MAGI2: variants seen among roughly 807,000 people sequenced by gnomAD.
MAGI2 encodes the protein membrane associated guanylate kinase, WW and PDZ domain containing 2.
MAGI2 carries 35 observed loss-of-function variants against 133.3 expected under a neutral mutation model. The observed-to-expected ratio is 0.26, with a 90% CI of 0.20 to 0.35. The LOEUF (loss-of-function observed/expected upper bound fraction) is 0.35. Among genes scored for constraint, MAGI2 ranks in the 10% least tolerant of loss-of-function variants. The pLI, the probability that MAGI2 is intolerant of heterozygous loss-of-function variation, is 1.00. For missense variants in MAGI2, 1,636 were observed against 1,863.4 expected (o/e 0.88, Z 2.25); for synonymous variants, 729 against 710.6 (o/e 1.03, Z -0.41).
intron 19 of MAGI2, among the ~76,000 whole-genome samples, chr7:78,126,795 A>T (rs909650306): frequency 7.2e-5 from 11 of 152,160 alleles, no homozygotes; most frequent in Admixed American, 7.2e-4. Flanking sequence ...CACGTAAAAA[A>T]ATATGGACCT....
intron 1 of MAGI2, among the ~76,000 whole-genome samples, chr7:79,404,674 C>T (rs1845688331): frequency 6.6e-6 from 1 of 152,072 alleles, no homozygotes; most frequent in South Asian, 2.1e-4. Context: ...CTGAGCTAGG[C>T]CCAATGCTGT....
intron 1 of MAGI2, chr7:79,343,423 A>C (rs1192088583): frequency 6.6e-6 from 1 of 152,112 alleles, no homozygotes; most frequent in Non-Finnish European, 1.5e-5. Context: ...GAATAAAGCT[A>C]TCTATGTATT....
At chr7:79,104,690 C>G (rs1251962735) in intron 1 of MAGI2, among the ~76,000 whole-genome samples, 1 of 151,484 alleles carries the variant, frequency 6.6e-6, no homozygotes, top group African/African-American at 2.4e-5. Flanking sequence ...AAATAAATAA[C>G]AATGTTTAAA....
chr7:79,136,584 C>T (rs1487453570), intron 1 of MAGI2, among the ~76,000 whole-genome samples: 1 of 152,192 alleles, frequency 6.6e-6, no homozygotes, highest in Admixed American at 6.5e-5. Flanking sequence ...ATCCTGACAC[C>T]TATTCAGACC....
At chr7:78,180,831 A>G (rs1473014597) in intron 13 of MAGI2, among the ~76,000 whole-genome samples, 2 of 151,982 alleles carry the variant, frequency 1.3e-5, no homozygotes, top group African/African-American at 4.8e-5. Context: ...AATTTTGAAC[A>G]CAGATTCAGA....
chr7:79,282,474 GA>G (rs1337255678), intron 1 of MAGI2, among the ~76,000 whole-genome samples: 1 of 151,942 alleles, frequency 6.6e-6, no homozygotes, highest in Non-Finnish European at 1.5e-5. Context: ...TTTTCTGCAG[GA>G]AAAAAGTTAG....
At chr7:78,873,926 CATTA>C (rs879710414) in intron 2 of MAGI2, among the ~76,000 whole-genome samples, 6 of 152,014 alleles carry the variant, frequency 3.9e-5, no homozygotes, top group African/African-American at 9.7e-5. Flanking sequence ...AAAAAAAAGT[CATTA>C]ATTATTTCCA....
chr7:78,499,909 G>A (rs893837010), intron 5 of MAGI2, among the ~76,000 whole-genome samples: 3 of 152,036 alleles, frequency 2.0e-5, no homozygotes, highest in Admixed American at 1.3e-4. Flanking sequence ...TCAAAATTAT[G>A]TTTCTAGATA....
rs553824333 is a variant in MAGI2, at chr7:79,028,183, G to A, written c.302-20977C>T. Among the ~76,000 whole-genome samples the A allele has an allele frequency of 1.7e-3, 243 of 141,146 alleles. 1 individual carries two copies. Among genetic ancestry groups the A allele is most frequent in the African/African-American group, 6.2e-3 (236 of 37,878 alleles). The allele number at this position is 141,146 out of a possible 152,430, so 92.6% of individuals were successfully genotyped here. The stretch of plus-strand genomic sequence containing the variant: ...ACCAAAATCGCTCCACTGCACTCCA[G>A]CCTGGTGACAAAGCGAGACTCCATC... On this transcript the variant is annotated intron_variant, in intron 1 of 21. Transcript: ENST00000354212.
At chr7:78,266,516 T>C (rs1050006828) in intron 9 of MAGI2, among the ~76,000 whole-genome samples, 2 of 152,082 alleles carry the variant, frequency 1.3e-5, no homozygotes, top group Admixed American at 6.5e-5. Flanking sequence ...GCAGTGTTTT[T>C]AGCCAGAGGA....
chr7:79,011,928 T>TTCCTTC (rs1562785441), intron 1 of MAGI2, among the ~76,000 whole-genome samples: 45 of 56,432 alleles, frequency 8.0e-4, no homozygotes, highest in Non-Finnish European at 1.3e-3. Context: ...TTCCTTCCTT[T>TTCCTTC]CTTTCTTTCT....
chr7:79,083,508 C>A (rs539863685), intron 1 of MAGI2, among the ~76,000 whole-genome samples: 11 of 151,526 alleles, frequency 7.3e-5, no homozygotes, highest in African/African-American at 2.4e-4. Flanking sequence ...GTTAAACCAA[C>A]CTTGTATTCT....
At chr7:78,555,827 C>A (rs1484885135) in intron 3 of MAGI2, among the ~76,000 whole-genome samples, 11 of 152,284 alleles carry the variant, frequency 7.2e-5, no homozygotes, top group South Asian at 4.1e-4. Context: ...TCTAAACACT[C>A]ATTTCTAACT....
intron 1 of MAGI2, among the ~76,000 whole-genome samples, chr7:79,349,460 A>T (rs1056485421): frequency 6.8e-6 from 1 of 147,958 alleles, no homozygotes; most frequent in South Asian, 2.1e-4. Context: ...AGATTCTTTT[A>T]GTTAATAATA....
chr7:78,750,665 AGT>A lies in MAGI2; in HGVS notation c.419-123428_419-123427del, dbSNP rs1823371797. On this transcript the variant is annotated intron_variant, in intron 2 of 21. Coordinates refer to ENST00000354212, the MANE Select transcript of MAGI2 (RefSeq NM_012301.4). The stretch of plus-strand genomic sequence containing the variant: ...AGGAAGATAAACTGTGGAGGGCAGC[AGT>A]GTTTCCTCTGGAGAACAGATATGGT... Among the ~76,000 whole-genome samples the A allele has an allele frequency of 2.0e-5, 3 of 152,292 alleles. No individual in the cohort carries two copies. The South Asian group carries it at 6.2e-4, about 32-fold the overall frequency.
intron 6 of MAGI2, among the ~76,000 whole-genome samples, chr7:78,421,087 CA>C (rs1274710134): frequency 6.6e-6 from 1 of 152,112 alleles, no homozygotes; most frequent in Non-Finnish European, 1.5e-5. Flanking sequence ...AGCTGTTGGC[CA>C]AATGTGGAAA....
chr7:79,363,615 C>A (rs1842502839), intron 1 of MAGI2, among the ~76,000 whole-genome samples: 2 of 150,296 alleles, frequency 1.3e-5, no homozygotes, highest in South Asian at 2.1e-4. Context: ...TAGAAGGAAA[C>A]AGGGGAAGTT....
intron 4 of MAGI2, among the ~76,000 whole-genome samples, chr7:78,516,505 A>G (rs1212545946): frequency 6.6e-6 from 1 of 152,116 alleles, no homozygotes; most frequent in African/African-American, 2.4e-5. Flanking sequence ...GATGTGTACC[A>G]CCAGGTCTGG....
intron 1 of MAGI2, among the ~76,000 whole-genome samples, chr7:79,275,463 A>G (rs1000380909): frequency 2.6e-5 from 4 of 152,248 alleles, no homozygotes; most frequent in African/African-American, 4.8e-5. Context: ...AGAAGCTAAC[A>G]GAGTTTGGTC....
Sources: gnomAD v4.1 joint callset for allele counts (sites outside exome capture counted in the v4.1 genomes callset) on GRCh38, gnomAD v4.1.1 for gene constraint, MANE v1.5 for transcripts, NCBI Gene and HGNC (gene_info 2026-07-23, HGNC 2026-07-21) for gene names.